The following ZYG11B variants were observed in gnomAD, a reference collection of about 807,000 sequenced individuals.
ZYG11B encodes protein zyg-11 homolog B.
In ZYG11B, 36 loss-of-function variants were observed where a neutral mutation model predicts 82.4. That is an observed-to-expected ratio of 0.44 (90% CI 0.33 to 0.58). The LOEUF (loss-of-function observed/expected upper bound fraction) is 0.58, where lower values mean the gene tolerates loss of function less well. Ranked by LOEUF, ZYG11B falls within the 20% of genes least tolerant of loss-of-function variation. ZYG11B has a pLI of 0.02. For synonymous variants in ZYG11B, 303 were observed against 312.8 expected, an observed-to-expected ratio of 0.97 and a Z score of 0.33; for missense variants, 552 against 895.6, an observed-to-expected ratio of 0.62 and a Z score of 4.90.
At chr1:52,817,765 GTATATATATGTGTATA>G (rs1190431794) in intron 13 of ZYG11B, among the ~76,000 whole-genome samples, 27 of 60,050 alleles carry the variant, frequency 4.5e-4, no homozygotes, top group African/African-American at 2.0e-3. Context: ...AGTAAAGTGT[GTATATATATGTGTATA>G]TATATATATA....
chr1:52,815,560 C>T (rs1645216283), intron 12 of ZYG11B, among the ~76,000 whole-genome samples: 1 of 151,950 alleles, frequency 6.6e-6, no homozygotes, highest in South Asian at 2.1e-4. Context: ...GTTGAGGCTG[C>T]AATGAGTTGA....
rs569784516 is a variant in ZYG11B at position 52,735,287 on chromosome 1, C to T, written c.30+8604C>T. On this transcript the variant is annotated intron_variant, in intron 1 of 13. Transcript: ENST00000294353. ...CTGGTGATCCGCCTGCCTCGGCCTC[C>T]CAGAGTGCTGGGATTACAGGCATGA... Among the ~76,000 whole-genome samples, 10 of 152,280 alleles carry T rather than the reference C, an allele frequency of 6.6e-5. No homozygotes were observed. In the South Asian group the frequency reaches 1.9e-3, roughly 28 times the overall value.
chr1:52,776,904 G>C (rs981796515), intron 3 of ZYG11B, among the ~76,000 whole-genome samples: 2 of 152,068 alleles, frequency 1.3e-5, no homozygotes, highest in East Asian at 3.9e-4. Flanking sequence ...GTTTAAAAAG[G>C]GTTTAAAGAA....
intron 1 of ZYG11B, among the ~76,000 whole-genome samples, chr1:52,727,049 T>C (rs1404370005): frequency 6.6e-6 from 1 of 151,912 alleles, no homozygotes; most frequent in African/African-American, 2.4e-5. Flanking sequence ...ATTTTTACTT[T>C]CCCCCCTTTC....
rs992989623 is a variant in ZYG11B, at chr1:52,738,853, G to A, written c.30+12170G>A. On this transcript the variant is annotated intron_variant, in intron 1 of 13. Transcript: ENST00000294353. ...TCAAACTCCCGACCTCAGGTGATCC[G>A]CCCACCTTGGCCTCCCAAAGTGCTA... Among the ~76,000 whole-genome samples the A allele has an allele frequency of 4.6e-5, 7 of 151,200 alleles. No homozygotes were observed. The South Asian group carries it at 1.0e-3, about 23-fold the overall frequency.
At chr1:52,796,114 A>G (rs1406361172) in intron 6 of ZYG11B, among the ~76,000 whole-genome samples, 178 bp from the exon 7 acceptor site, 2 of 152,194 alleles carry the variant, frequency 1.3e-5, no homozygotes, top group Non-Finnish European at 2.9e-5. Flanking sequence ...TGTTGTCAGA[A>G]TTAATATTAT....
chr1:52,749,146 T>C (rs1188199372), intron 1 of ZYG11B, among the ~76,000 whole-genome samples: 3 of 152,118 alleles, frequency 2.0e-5, no homozygotes, highest in Non-Finnish European at 4.4e-5. Context: ...GAGGTTGCAG[T>C]GAGCCGAGAT....
intron 8 of ZYG11B, among the ~76,000 whole-genome samples, chr1:52,798,384 C>T (rs1375096043): frequency 1.3e-5 from 2 of 151,132 alleles, no homozygotes; most frequent in African/African-American, 4.9e-5. Context: ...GAGGCCAAGG[C>T]AGGAGGGTTG....
intron 1 of ZYG11B, among the ~76,000 whole-genome samples, chr1:52,752,155 C>G (rs904663501): frequency 6.6e-6 from 1 of 152,178 alleles, no homozygotes; most frequent in Non-Finnish European, 1.5e-5. Flanking sequence ...ACCACAACAC[C>G]TGTCAGTCTT....
rs1315303330 is a variant in ZYG11B at position 52,817,787 on chromosome 1, A to ATATATATATG, written c.2044+1167_2044+1168insGTATATATAT. Among the ~76,000 whole-genome samples, 85 of 28,912 alleles carry ATATATATATG rather than the reference A, an allele frequency of 2.9e-3. 3 individuals are homozygous for ATATATATATG. The highest frequency in any genetic ancestry group is 0.029 in the East Asian group (50 of 1,714). The allele number at this position is 28,912 out of a possible 152,430, so 19.0% of individuals were successfully genotyped here. On this transcript the variant is annotated intron_variant, in intron 13 of 13. Transcript: ENST00000294353. The stretch of plus-strand genomic sequence containing the variant: ...TGTGTATATATATGTGTATATATAT[A>ATATATATATG]TATATATATATATATATATATATAT...
chr1:52,803,131 T>C (rs1416800305), intron 10 of ZYG11B, among the ~76,000 whole-genome samples: 3 of 74,236 alleles, frequency 4.0e-5, no homozygotes, highest in African/African-American at 2.7e-4. Flanking sequence ...CACATATATA[T>C]ATACACACAT....
chr1:52,772,729 G>A (rs1389534956), intron 3 of ZYG11B: 3 of 654,596 alleles, frequency 4.6e-6, no homozygotes. Flanking sequence ...CCAGGCTGGA[G>A]TGCAGTGGCG....
chr1:52,814,185 T>TA (rs1036967397), intron 12 of ZYG11B, among the ~76,000 whole-genome samples: 6 of 152,052 alleles, frequency 3.9e-5, no homozygotes, highest in African/African-American at 1.4e-4. Flanking sequence ...CACGCCCCGC[T>TA]AATTTTTGTA....
intron 6 of ZYG11B, among the ~76,000 whole-genome samples, chr1:52,794,576 A>G (rs1644992219): frequency 6.6e-6 from 1 of 152,188 alleles, no homozygotes; most frequent in Admixed American, 6.5e-5. Flanking sequence ...CACAGGCCAA[A>G]TGGGGATTCA....
intron 6 of ZYG11B, among the ~76,000 whole-genome samples, chr1:52,795,849 T>G (rs1037447920): frequency 6.6e-5 from 10 of 152,200 alleles, no homozygotes; most frequent in Non-Finnish European, 1.3e-4. Flanking sequence ...TTTTCTGTTT[T>G]GTTCACTATT....
Position 52,823,163 on chromosome 1 carries a change from G to A in ZYG11B, c.*1534G>A, listed in dbSNP as rs913032633. 7 of 151,998 alleles carry A rather than the reference G, an allele frequency of 4.6e-5. No individual in the cohort carries two copies. Among genetic ancestry groups the A allele is most frequent in the African/African-American group, 1.4e-4 (6 of 41,396 alleles). The allele number at this position is 151,998 out of a possible 1,614,324, so 9.4% of individuals were successfully genotyped here. On this transcript the variant is annotated 3_prime_UTR_variant, in exon 14 of 14. Coordinates refer to ENST00000294353, the MANE Select transcript of ZYG11B (RefSeq NM_024646.3). ...ATGAAAACTGAGTTAAAAGAAAGTA[G>A]GCATTTAGGTCTGGATGCAGTGGCT... is the stretch of plus-strand genomic sequence containing the variant.
intron 1 of ZYG11B, among the ~76,000 whole-genome samples, chr1:52,743,718 C>A (rs141272276): frequency 1.3e-5 from 2 of 151,782 alleles, no homozygotes; most frequent in Non-Finnish European, 2.9e-5. Context: ...CCCCACCCCC[C>A]AAAAAGAAAA....
chr1:52,753,375 A>G lies in ZYG11B; in HGVS notation c.31-3083A>G, dbSNP rs192065222. 9.1e-4 allele frequency among the ~76,000 whole-genome samples: 137 copies of G among 150,916 alleles called. 1 individual carries two copies. Among genetic ancestry groups the G allele is most frequent in the African/African-American group, 3.3e-3 (135 of 41,156 alleles). On this transcript the variant is annotated intron_variant, in intron 1 of 13. Coordinates refer to ENST00000294353, the MANE Select transcript of ZYG11B (RefSeq NM_024646.3). ...TTTCCAATTTTTTCTCCCATCAGCA[A>G]TTATTGTCCATGGTTGTTCTTCTTC... is the stretch of plus-strand genomic sequence containing the variant.
At chr1:52,735,067 G>C (rs560748638) in intron 1 of ZYG11B, among the ~76,000 whole-genome samples, 1 of 146,086 alleles carries the variant, frequency 6.8e-6, no homozygotes, top group Non-Finnish European at 1.5e-5. Context: ...AGTTTCTCTC[G>C]TTGCCCAGGC....
Sources: gnomAD v4.1 joint callset for allele counts (sites outside exome capture counted in the v4.1 genomes callset) on GRCh38, gnomAD v4.1.1 for gene constraint, MANE v1.5 for transcripts, NCBI Gene and HGNC (gene_info 2026-07-23, HGNC 2026-07-21) for gene names.